Variants in ZFHX3 observed in about 807,000 individuals in gnomAD.
ZFHX3 encodes zinc finger homeobox 3.
A neutral mutation model predicts 279.1 loss-of-function variants in ZFHX3; 42 were observed. The ratio of observed to expected loss-of-function variants is 0.15; its 90% CI spans 0.12 to 0.19. ZFHX3 has a LOEUF of 0.19. Among genes scored for constraint, ZFHX3 ranks in the 10% least tolerant of loss-of-function variants. The pLI, the probability that ZFHX3 is intolerant of heterozygous loss-of-function variation, is 1.00. For synonymous variants in ZFHX3, 2,293 were observed against 1,957.8 expected (o/e 1.17, Z -4.52); for missense variants, 4,981 against 4,754.0 (o/e 1.05, Z -1.40).
At chr16:72,965,396 A>AT (rs1471759093) in intron 1 of ZFHX3, among the ~76,000 whole-genome samples, 1 of 151,872 alleles carries the variant, frequency 6.6e-6, no homozygotes, top group Non-Finnish European at 1.5e-5. Flanking sequence ...ATTTGCTTGG[A>AT]TATCTTTAGG....
At chr16:73,412,302 G>A (rs1677313317) in intron 3 of ZFHX3, among the ~76,000 whole-genome samples, 1 of 149,194 alleles carries the variant, frequency 6.7e-6, no homozygotes, top group Non-Finnish European at 1.5e-5. Flanking sequence ...ACTCCACCCT[G>A]GGCAACAGAG....
At chr16:73,256,649 G>A (rs551890120) in intron 5 of ZFHX3, among the ~76,000 whole-genome samples, 36 of 152,298 alleles carry the variant, frequency 2.4e-4, no homozygotes, top group Middle Eastern at 3.4e-3. Flanking sequence ...CTTTGCAAGG[G>A]TGCAATGTAA....
At chr16:73,470,899 T>C (rs1567493699) in intron 2 of ZFHX3, among the ~76,000 whole-genome samples, 1 of 152,220 alleles carries the variant, frequency 6.6e-6, no homozygotes, top group Admixed American at 6.5e-5. Flanking sequence ...TGGGTGAACA[T>C]CTACTCTTCA....
chr16:73,715,994 T>C (rs1258452041), intron 1 of ZFHX3, among the ~76,000 whole-genome samples: 1 of 152,206 alleles, frequency 6.6e-6, no homozygotes, highest in Non-Finnish European at 1.5e-5. Flanking sequence ...GCATTCCAGG[T>C]GCTCCATTTC....
chr16:73,321,613 G>T (rs556964888), intron 3 of ZFHX3, among the ~76,000 whole-genome samples: 1 of 152,180 alleles, frequency 6.6e-6, no homozygotes, highest in Admixed American at 6.5e-5. Flanking sequence ...ATTTTGGAAG[G>T]GTCCAGAATA....
chr16:72,958,783 T>G lies in ZFHX3; in HGVS notation c.1363A>C (p.Lys455Gln). 1 of 1,613,970 alleles carries G rather than the reference T, an allele frequency of 6.2e-7. No homozygotes were observed. ...EVGDGDCFSE[K>Q]VEPAEEEAEE... ...GCCTCCTCTTCGGCTGGCTCTACCTTCTCAGAGAAGCAATCCCCGTCGCCC... is the reference window on the plus strand; with the variant it reads ...GCCTCCTCTTCGGCTGGCTCTACCTGCTCAGAGAAGCAATCCCCGTCGCCC... The change falls in exon 2 of 10, where the codon AAG becomes CAG. Residue 455 changes from lysine to glutamine, a missense_variant. Coordinates refer to ENST00000268489, the MANE Select transcript of ZFHX3 (RefSeq NM_006885.4).
chr16:73,494,511 A>T (rs964966081), intron 2 of ZFHX3, among the ~76,000 whole-genome samples: 1 of 151,994 alleles, frequency 6.6e-6, no homozygotes, highest in African/African-American at 2.4e-5. Flanking sequence ...TAGTATTATA[A>T]TCTTGTTCTG....
chr16:73,555,693 G>C (rs562864779), intron 2 of ZFHX3, among the ~76,000 whole-genome samples: 1 of 151,836 alleles, frequency 6.6e-6, no homozygotes, highest in Admixed American at 6.6e-5. Flanking sequence ...TTAGCCGGGC[G>C]TGGTGGCGGG....
chr16:73,058,411 T>G (rs1965615522), intron 1 of ZFHX3: 1 of 173,982 alleles, frequency 5.7e-6, no homozygotes, highest in African/African-American at 2.6e-5. Context: ...ACGAGCCCCA[T>G]GCAAAGCAGC....
chr16:73,129,632 G>A (rs534719104), intron 7 of ZFHX3, among the ~76,000 whole-genome samples: 17 of 151,360 alleles, frequency 1.1e-4, no homozygotes, highest in African/African-American at 4.2e-4. Flanking sequence ...AGATGTGTGC[G>A]TGTGTGCGTG....
At chr16:73,042,562 C>T (rs1428616108) in intron 1 of ZFHX3, among the ~76,000 whole-genome samples, 2 of 152,090 alleles carry the variant, frequency 1.3e-5, no homozygotes, top group Non-Finnish European at 2.9e-5. Context: ...TGCCTAACCA[C>T]CCCAAATCAC....
intron 1 of ZFHX3, among the ~76,000 whole-genome samples, chr16:72,961,261 G>A (rs369159513): frequency 2.6e-5 from 4 of 152,316 alleles, no homozygotes; most frequent in Middle Eastern, 3.4e-3. Flanking sequence ...GTTATTAGTC[G>A]CTACCCAACC....
chr16:73,133,679 G>A (rs563090821), intron 6 of ZFHX3, among the ~76,000 whole-genome samples: 2 of 152,268 alleles, frequency 1.3e-5, no homozygotes, highest in South Asian at 4.2e-4. Context: ...GCAGAATTAT[G>A]AGAAAATAAA....
intron 1 of ZFHX3, among the ~76,000 whole-genome samples, chr16:72,968,914 ATGTG>A (rs989064207): frequency 3.3e-5 from 5 of 152,170 alleles, no homozygotes; most frequent in African/African-American, 7.2e-5. Context: ...AAGTGTGTGT[ATGTG>A]TATCAGTATA....
chr16:73,058,334 C>T (rs1293323066), intron 1 of ZFHX3, among the ~76,000 whole-genome samples: 1 of 146,212 alleles, frequency 6.8e-6, no homozygotes, highest in African/African-American at 2.5e-5. Context: ...ACGCAGCGAG[C>T]GAGCAGGGCG....
At chr16:72,895,083 G>A (rs757705270) in intron 3 of ZFHX3, among the ~76,000 whole-genome samples, 3 of 152,156 alleles carry the variant, frequency 2.0e-5, no homozygotes, top group East Asian at 1.9e-4. Context: ...GGTTTGTTTC[G>A]GTTTGAGTCT....
At chr16:72,903,740 C>T (rs1299343269) in intron 3 of ZFHX3, among the ~76,000 whole-genome samples, 2 of 152,182 alleles carry the variant, frequency 1.3e-5, no homozygotes, top group Non-Finnish European at 1.5e-5. Flanking sequence ...TTAACAGTCT[C>T]ATATTGTGAC....
intron 4 of ZFHX3, among the ~76,000 whole-genome samples, chr16:73,283,273 C>T (rs8057559): frequency 0.081 from 12,304 of 152,162 alleles, 1,105 homozygotes; most frequent in African/African-American, 0.22. Context: ...GAGGTCATTG[C>T]GCTTACTGAT....
Position 73,585,211 on chromosome 16 carries a change from A to T in ZFHX3, c.-1547+94969T>A, listed in dbSNP as rs902815880. Among the ~76,000 whole-genome samples the T allele has an allele frequency of 3.3e-5, 5 of 152,170 alleles. No homozygotes were observed. In the East Asian group the frequency reaches 9.7e-4, roughly 29 times the overall value. ...GGTGGGCGGATCACGAGGTCAAGAG[A>T]TCGAGACTATCCTGGCCAACATGGT... On this transcript the variant is annotated intron_variant, in intron 2 of 17. Coordinates refer to the ZFHX3 transcript ENST00000641206.
Sources: gnomAD v4.1 joint callset for allele counts (sites outside exome capture counted in the v4.1 genomes callset) on GRCh38, gnomAD v4.1.1 for gene constraint, MANE v1.5 for transcripts, NCBI Gene and HGNC (gene_info 2026-07-23, HGNC 2026-07-21) for gene names.